KCNN2: variants seen among roughly 807,000 people sequenced by gnomAD.
KCNN2 encodes small conductance calcium-activated potassium channel protein 2.
A neutral mutation model predicts 55.5 loss-of-function variants in KCNN2; 24 were observed. That is an observed-to-expected ratio of 0.43 (90% CI 0.31 to 0.61). The LOEUF (loss-of-function observed/expected upper bound fraction) is 0.61, where lower values mean the gene tolerates loss of function less well. Among genes scored for constraint, KCNN2 ranks in the 20% least tolerant of loss-of-function variants. KCNN2 has a pLI of 0.08. For synonymous variants in KCNN2, 431 were observed against 336.1 expected, an observed-to-expected ratio of 1.28 and a Z score of -3.09; for missense variants, 754 against 853.6, an observed-to-expected ratio of 0.88 and a Z score of 1.45.
At chr5:114,201,456 A>G (rs1450862023) in intron 1 of KCNN2, among the ~76,000 whole-genome samples, 1 of 152,104 alleles carries the variant, frequency 6.6e-6, no homozygotes, top group Non-Finnish European at 1.5e-5. Context: ...TCAGGTGCAC[A>G]GCATGAGGAA....
chr5:114,154,435 G>A (rs749413765), intron 1 of KCNN2, among the ~76,000 whole-genome samples: 5 of 152,036 alleles, frequency 3.3e-5, no homozygotes, highest in Non-Finnish European at 4.4e-5. Context: ...GGCACTAGAG[G>A]AACATCAGCA....
chr5:114,355,758 G>A (rs909278814), intron 2 of KCNN2, among the ~76,000 whole-genome samples: 1 of 152,050 alleles, frequency 6.6e-6, no homozygotes, highest in African/African-American at 2.4e-5. Context: ...CTTATTATTT[G>A]AAAAAACTAA....
chr5:114,226,430 A>G (rs3890840), intron 2 of KCNN2, among the ~76,000 whole-genome samples: 59,692 of 151,968 alleles, frequency 0.39, 12,335 homozygotes, highest in Middle Eastern at 0.53. Context: ...TGATTTTGCA[A>G]CTTGCCATTT....
chr5:114,150,524 C>G (rs536479599), intron 1 of KCNN2, among the ~76,000 whole-genome samples: 35 of 152,282 alleles, frequency 2.3e-4, no homozygotes, highest in African/African-American at 8.2e-4. Flanking sequence ...AAAGATACCT[C>G]CCCACATTCC....
chr5:114,447,254 G>A (rs1760453532), intron 3 of KCNN2, among the ~76,000 whole-genome samples: 1 of 152,186 alleles, frequency 6.6e-6, no homozygotes, highest in Non-Finnish European at 1.5e-5. Flanking sequence ...TTGGTAGAAT[G>A]GAGGAGAAAG....
At chr5:114,191,565 C>G (rs548655858) in intron 1 of KCNN2, among the ~76,000 whole-genome samples, 1 of 152,122 alleles carries the variant, frequency 6.6e-6, no homozygotes, top group African/African-American at 2.4e-5. Flanking sequence ...TAAACATTTA[C>G]AAATCAAACA....
chr5:114,403,738 A>G (rs180964050), intron 2 of KCNN2, among the ~76,000 whole-genome samples: 3 of 152,340 alleles, frequency 2.0e-5, no homozygotes, highest in Non-Finnish European at 4.4e-5. Flanking sequence ...TTCTTAAAAA[A>G]TTTTGTTTGT....
At chr5:114,301,694 G>C (rs781430159) in intron 2 of KCNN2, among the ~76,000 whole-genome samples, 2 of 152,154 alleles carry the variant, frequency 1.3e-5, no homozygotes, top group Non-Finnish European at 2.9e-5. Context: ...ACAGGAGTCT[G>C]AGTCCTGGGT....
chr5:114,134,836 G>A (rs1752142717), intron 1 of KCNN2, among the ~76,000 whole-genome samples: 1 of 152,092 alleles, frequency 6.6e-6, no homozygotes, highest in Admixed American at 6.5e-5. Flanking sequence ...CAGAAGGAGA[G>A]CCAAGAACAA....
chr5:114,274,511 T>C (rs1376014335), intron 2 of KCNN2, among the ~76,000 whole-genome samples: 1 of 152,212 alleles, frequency 6.6e-6, no homozygotes, highest in Non-Finnish European at 1.5e-5. Context: ...CTTTATTTTG[T>C]TGGGCAGTGG....
intron 1 of KCNN2, among the ~76,000 whole-genome samples, chr5:114,210,462 A>G (rs1160432176): frequency 6.6e-6 from 1 of 152,166 alleles, no homozygotes; most frequent in Non-Finnish European, 1.5e-5. Context: ...TATGAAATAT[A>G]GCTGCTGCAA....
chr5:114,342,185 A>G (rs972325958), intron 2 of KCNN2, among the ~76,000 whole-genome samples: 7 of 149,906 alleles, frequency 4.7e-5, no homozygotes, highest in Non-Finnish European at 7.4e-5. Context: ...ACAGGCGTGA[A>G]CCACTGTGCC....
chr5:114,112,329 G>C (rs532235386), intron 1 of KCNN2, among the ~76,000 whole-genome samples: 1 of 152,212 alleles, frequency 6.6e-6, no homozygotes, highest in South Asian at 2.1e-4. Context: ...GGCCTGTTTG[G>C]AGGTGGGGGG....
intron 2 of KCNN2, among the ~76,000 whole-genome samples, chr5:114,290,984 T>C (rs1415317648): frequency 6.6e-6 from 1 of 152,080 alleles, no homozygotes; most frequent in Non-Finnish European, 1.5e-5. Flanking sequence ...ATAAAACTTG[T>C]TTGGCGGCCT....
intron 1 of KCNN2, among the ~76,000 whole-genome samples, chr5:114,138,141 CA>C (rs1561490938): frequency 3.3e-5 from 5 of 151,806 alleles, no homozygotes; most frequent in African/African-American, 1.2e-4. Flanking sequence ...AACAAACAAA[CA>C]AAAAAACCCA....
intron 2 of KCNN2, among the ~76,000 whole-genome samples, chr5:114,342,056 C>T (rs1451865760): frequency 2.0e-5 from 3 of 152,112 alleles, no homozygotes; most frequent in Admixed American, 6.5e-5. Context: ...CACCCGCCAC[C>T]ATGCCTGGCT....
intron 5 of KCNN2, among the ~76,000 whole-genome samples, chr5:114,486,054 A>G (rs1359116886): frequency 6.6e-6 from 1 of 152,140 alleles, no homozygotes; most frequent in Non-Finnish European, 1.5e-5. Context: ...GTTAGTGCAA[A>G]GTCAAGTACG....
intron 1 of KCNN2, among the ~76,000 whole-genome samples, chr5:114,114,249 A>G (rs1751668585): frequency 6.6e-6 from 1 of 152,058 alleles, no homozygotes; most frequent in Admixed American, 6.6e-5. Context: ...ATTTTTTTAG[A>G]GACAGGTCTC....
chr5:114,189,931 A>T (rs1753417127), intron 1 of KCNN2, among the ~76,000 whole-genome samples: 1 of 152,162 alleles, frequency 6.6e-6, no homozygotes, highest in Admixed American at 6.5e-5. Context: ...TAAATTCCAG[A>T]TGAATTAAAG....
Sources: gnomAD v4.1 joint callset for allele counts (sites outside exome capture counted in the v4.1 genomes callset) on GRCh38, gnomAD v4.1.1 for gene constraint, MANE v1.5 for transcripts, NCBI Gene and HGNC (gene_info 2026-07-23, HGNC 2026-07-21) for gene names.